CHL1: variants seen among roughly 807,000 people sequenced by gnomAD.
The protein encoded by CHL1 is neural cell adhesion molecule L1-like protein.
CHL1 carries 96 observed loss-of-function variants against 141.9 expected under a neutral mutation model. The observed-to-expected ratio is 0.68, with a 90% CI of 0.57 to 0.80. CHL1 has a LOEUF of 0.80. Ranked by LOEUF, CHL1 falls within the 30% of genes least tolerant of loss-of-function variation. The pLI is 0.00. For missense variants in CHL1, 1,820 were observed against 1,457.2 expected (o/e 1.25, Z -4.05); for synonymous variants, 613 against 502.2 (o/e 1.22, Z -2.95).
chr3:226,170 A>AC (rs2125012130), intron 1 of CHL1, among the ~76,000 whole-genome samples: 1 of 150,118 alleles, frequency 6.7e-6, no homozygotes, highest in South Asian at 2.1e-4. Context: ...ACAGGCATGC[A>AC]CCACTATGCC....
intron 15 of CHL1, among the ~76,000 whole-genome samples, chr3:369,393 C>A (rs916061844): frequency 5.3e-5 from 8 of 152,110 alleles, no homozygotes; most frequent in African/African-American, 1.7e-4. Flanking sequence ...TGATTTGGCT[C>A]TCTGCTGGTC....
chr3:326,899 G>A (rs2125072045), intron 4 of CHL1, among the ~76,000 whole-genome samples: 1 of 151,688 alleles, frequency 6.6e-6, no homozygotes, highest in East Asian at 1.9e-4. Flanking sequence ...AATCATTAGT[G>A]ACCCATTAAC....
chr3:322,645 A>AATATATAT (rs4002786), intron 3 of CHL1, among the ~76,000 whole-genome samples: 102 of 130,200 alleles, frequency 7.8e-4, no homozygotes, highest in African/African-American at 1.4e-3. Context: ...ATATATATAA[A>AATATATAT]ATATATATAT....
chr3:373,586 C>G (rs1347435034), intron 15 of CHL1: 1 of 152,446 alleles, frequency 6.6e-6, no homozygotes, highest in Non-Finnish European at 1.5e-5. Context: ...TGCTGCCCCT[C>G]TTCTAAGGAG....
chr3:326,011 C>G lies in CHL1; in HGVS notation c.144C>G (p.Pro48=). The change falls in exon 4 of 28, where the codon CCC becomes CCG. Residue 48 remains proline, a synonymous_variant. Transcript: ENST00000256509. ...IKQSKVQVAF[P]FDEYFQIECE... is the part of the protein sequence containing the mutation. ...AGTCAAAAGTCCAAGTTGCCTTTCC[C>G]TTCGATGAGTATTTTCAAATTGAAT... 6.2e-7 allele frequency: 1 copy of G among 1,611,718 alleles called. No homozygotes were observed. Among genetic ancestry groups the G allele is most frequent in the Non-Finnish European group, 8.5e-7 (1 of 1,178,618 alleles).
At chr3:361,514 C>G (rs1054115543) in intron 12 of CHL1, among the ~76,000 whole-genome samples, 185 bp from the exon 13 acceptor site, 4 of 152,058 alleles carry the variant, frequency 2.6e-5, no homozygotes, top group African/African-American at 7.2e-5. Context: ...TGAACTCAAA[C>G]AAATTTACAA....
At chr3:285,854 C>T (rs935841204) in intron 2 of CHL1, among the ~76,000 whole-genome samples, 4 of 151,828 alleles carry the variant, frequency 2.6e-5, no homozygotes, top group African/African-American at 9.7e-5. Flanking sequence ...AAAAATGTGC[C>T]TGCCTTGATG....
rs146779507 is a variant in CHL1, at chr3:341,971, T to G, written c.568T>G (p.Phe190Val). The G allele has an allele frequency of 3.1e-6, 5 of 1,613,558 alleles. No homozygotes were observed. The highest frequency in any genetic ancestry group is 4.2e-6 in the Non-Finnish European group (5 of 1,179,606). Residue 190 changes from phenylalanine (F) to valine (V), a missense_variant, in exon 7 of 28, where the codon TTC becomes GTC. Physicochemically the swap from Phe to Val is conservative, Grantham distance 50 (BLOSUM62 -1). Coordinates refer to ENST00000256509, the MANE Select transcript of CHL1 (RefSeq NM_006614.4). The part of the protein sequence containing the change: ...VYMSQKGDLY[F>V]ANVEEKDSRN... ...CATGAGCCAAAAGGGAGATCTATAC[T>G]TCGCAAACGTGGAAGAAAAGGACAG...
chr3:330,859 G>C (rs1182345368), intron 5 of CHL1, among the ~76,000 whole-genome samples: 1 of 152,112 alleles, frequency 6.6e-6, no homozygotes, highest in Non-Finnish European at 1.5e-5. Context: ...TTATGGTTCT[G>C]TGCAGGGTTA....
Position 297,007 on chromosome 3 carries a change from G to A in CHL1, c.-94-22676G>A, listed in dbSNP as rs143152877. Among the ~76,000 whole-genome samples, 489 of 152,208 alleles carry A rather than the reference G, an allele frequency of 3.2e-3. 2 individuals are homozygous for A. Among genetic ancestry groups the A allele is most frequent in the African/African-American group, 0.011 (469 of 41,530 alleles). On this transcript the variant is annotated intron_variant, in intron 2 of 27. Coordinates refer to ENST00000256509, the MANE Select transcript of CHL1 (RefSeq NM_006614.4). ...TTTGTATGTGAGGAGAGGACAGATAGGAGAGGTACAAAGGAAAGGGATTAG... is the reference window on the plus strand; with the variant it reads ...TTTGTATGTGAGGAGAGGACAGATAAGAGAGGTACAAAGGAAAGGGATTAG...
At chr3:280,766 G>A (rs1052544201) in intron 2 of CHL1, among the ~76,000 whole-genome samples, 8 of 152,238 alleles carry the variant, frequency 5.3e-5, no homozygotes, top group Middle Eastern at 6.8e-3. Flanking sequence ...GGTTGGTTGG[G>A]TGGGTAGTAA....
chr3:335,929 G>A (rs1480292480), intron 5 of CHL1, among the ~76,000 whole-genome samples: 3 of 152,190 alleles, frequency 2.0e-5, no homozygotes, highest in Non-Finnish European at 4.4e-5. Flanking sequence ...TTGAGGAGTA[G>A]CCAAGATGTA....
Position 236,598 on chromosome 3 carries a change from G to C in CHL1, c.-174-8015G>C, listed in dbSNP as rs79482736. On this transcript the variant is annotated intron_variant, in intron 1 of 27. Transcript: ENST00000256509. ...TCTATTATAGTAATATAATTCTATT[G>C]TGTACGATTTGCCCTCAATTTATTT... Among the ~76,000 whole-genome samples the C allele has an allele frequency of 1.9e-3, 289 of 152,166 alleles. 1 individual carries two copies. Among genetic ancestry groups the C allele is most frequent in the African/African-American group, 6.5e-3 (271 of 41,516 alleles).
intron 23 of CHL1, among the ~76,000 whole-genome samples, 179 bp from the exon 24 acceptor site, chr3:394,514 T>G (rs1351322925): frequency 6.6e-6 from 1 of 152,140 alleles, no homozygotes; most frequent in African/African-American, 2.4e-5. Context: ...GACCTCAGTT[T>G]TGTCATATAT....
chr3:326,096 A>G, intron 4 of CHL1, 32 bp downstream of exon 4: 7 of 1,327,204 alleles, frequency 5.3e-6, no homozygotes, highest in Non-Finnish European at 7.6e-6. Flanking sequence ...GTGGTTCTTT[A>G]AATGCGTGCT....
chr3:362,810 T>C (rs1459604474), intron 13 of CHL1, among the ~76,000 whole-genome samples: 1 of 152,286 alleles, frequency 6.6e-6, no homozygotes, highest in East Asian at 1.9e-4. Flanking sequence ...GAATGACCAA[T>C]GTTCTCCCAG....
At chr3:245,399 C>G (rs1017429889) in intron 2 of CHL1, among the ~76,000 whole-genome samples, 4 of 152,130 alleles carry the variant, frequency 2.6e-5, no homozygotes, top group African/African-American at 9.6e-5. Context: ...ACAGGTGCAG[C>G]CTAAATTAGA....
At chr3:327,396 T>C (rs570446866) in intron 4 of CHL1, among the ~76,000 whole-genome samples, 51 of 146,748 alleles carry the variant, frequency 3.5e-4, no homozygotes, top group Non-Finnish European at 6.2e-4. Flanking sequence ...CACTCTAGCA[T>C]ACTGGGGTGG....
intron 2 of CHL1, among the ~76,000 whole-genome samples, chr3:288,682 G>C (rs1275984508): frequency 6.6e-6 from 1 of 152,162 alleles, no homozygotes; most frequent in African/African-American, 2.4e-5. Context: ...TTTTTCTGAC[G>C]AATGGCATGG....
Sources: allele counts gnomAD v4.1 joint callset (sites outside exome capture counted in the v4.1 genomes callset), GRCh38; gene constraint gnomAD v4.1.1; transcripts MANE v1.5; gene names NCBI Gene and HGNC (gene_info 2026-07-23, HGNC 2026-07-21).